The following WWOX variants were observed in gnomAD, a reference collection of about 807,000 sequenced individuals.
WWOX encodes WW domain-containing oxidoreductase.
Under a neutral mutation model 46.2 loss-of-function variants are expected in WWOX, and 69 were observed. That is an observed-to-expected ratio of 1.49 (90% CI 1.23 to 1.82). WWOX has a LOEUF of 1.82. WWOX is among the 40% of genes most tolerant of loss of function. The pLI, the probability that WWOX is intolerant of heterozygous loss-of-function variation, is 0.00. For synonymous variants in WWOX, 359 were observed against 202.6 expected, an observed-to-expected ratio of 1.77 and a Z score of -6.56; for missense variants, 919 against 542.6, an observed-to-expected ratio of 1.69 and a Z score of -6.89.
intron 8 of WWOX, among the ~76,000 whole-genome samples, chr16:78,999,170 T>A (rs2047046527): frequency 6.6e-6 from 1 of 151,582 alleles, no homozygotes; most frequent in African/African-American, 2.4e-5. Context: ...TAATGGATTC[T>A]TCTAAGGATG....
chr16:78,822,438 C>G (rs916615396), intron 8 of WWOX, among the ~76,000 whole-genome samples: 2 of 152,078 alleles, frequency 1.3e-5, no homozygotes, highest in African/African-American at 4.8e-5. Flanking sequence ...GGGTTGCAGT[C>G]AGCTGAGACT....
chr16:78,149,556 C>T (rs959569685), intron 4 of WWOX, among the ~76,000 whole-genome samples: 2 of 152,224 alleles, frequency 1.3e-5, no homozygotes, highest in Non-Finnish European at 2.9e-5. Context: ...GACCTCAATT[C>T]TGTGCCTTGA....
rs537042263 is a variant in WWOX, at chr16:78,692,533, A to G, written c.1056+259781A>G. On this transcript the variant is annotated intron_variant, in intron 8 of 8. Transcript: ENST00000566780. ...CTGCCTTTGGGTTCTAAGACGTCCAAGGAGCTCTTATGGGTAACACCTGTA... is the reference window on the plus strand; with the variant it reads ...CTGCCTTTGGGTTCTAAGACGTCCAGGGAGCTCTTATGGGTAACACCTGTA... Among the ~76,000 whole-genome samples the G allele has an allele frequency of 7.9e-5, 12 of 152,290 alleles. No individual in the cohort carries two copies. The South Asian group carries it at 2.3e-3, about 29-fold the overall frequency.
At chr16:78,125,077 T>G (rs1273341402) in intron 4 of WWOX, among the ~76,000 whole-genome samples, 3 of 152,228 alleles carry the variant, frequency 2.0e-5, no homozygotes, top group Non-Finnish European at 4.4e-5. Context: ...TTTTTCATTT[T>G]TACCCTTACC....
intron 6 of WWOX, among the ~76,000 whole-genome samples, chr16:78,415,006 G>A (rs550721159): frequency 6.6e-6 from 1 of 151,474 alleles, no homozygotes; most frequent in Non-Finnish European, 1.5e-5. Flanking sequence ...TCCATAGGCA[G>A]AGCAGCAACT....
Position 79,124,404 on chromosome 16 carries a change from G to C in WWOX, c.1057-87204G>C, listed in dbSNP as rs187702069. Among the ~76,000 whole-genome samples, 97 of 152,240 alleles carry C rather than the reference G, an allele frequency of 6.4e-4. 1 individual carries two copies. The highest frequency in any genetic ancestry group is 1.1e-3 in the Non-Finnish European group (76 of 68,022). On this transcript the variant is annotated intron_variant, in intron 8 of 8. Coordinates refer to ENST00000566780, the MANE Select transcript of WWOX (RefSeq NM_016373.4). ...ATAGAGAAGTATAAGTAATTATTAT[G>C]CTTTTTAAAATACAACCGAGGTTCC...
intron 8 of WWOX, among the ~76,000 whole-genome samples, chr16:78,997,654 C>T (rs1159340060): frequency 6.6e-6 from 1 of 152,106 alleles, no homozygotes; most frequent in Non-Finnish European, 1.5e-5. Context: ...TATTTCCTCC[C>T]TCCCTGTCTC....
chr16:79,166,969 C>G (rs1412774796), intron 8 of WWOX, among the ~76,000 whole-genome samples: 3 of 151,862 alleles, frequency 2.0e-5, no homozygotes, highest in African/African-American at 7.3e-5. Flanking sequence ...TGAGACAGAG[C>G]CTTGCTGTGT....
chr16:79,139,864 G>C (rs1047452178), intron 8 of WWOX, among the ~76,000 whole-genome samples: 4 of 152,122 alleles, frequency 2.6e-5, no homozygotes, highest in African/African-American at 9.7e-5. Context: ...ATTCTGTTAC[G>C]TGTTATGGCG....
At chr16:78,312,173 G>C (rs2080257882) in intron 5 of WWOX, among the ~76,000 whole-genome samples, 1 of 152,070 alleles carries the variant, frequency 6.6e-6, no homozygotes, top group Non-Finnish European at 1.5e-5. Context: ...GTCACTTTAA[G>C]GTCAGCTGAC....
intron 8 of WWOX, among the ~76,000 whole-genome samples, chr16:79,113,165 A>T (rs1002557803): frequency 6.6e-6 from 1 of 152,172 alleles, no homozygotes; most frequent in Non-Finnish European, 1.5e-5. Context: ...GGGAATATAC[A>T]AGCTCAATGT....
At chr16:78,409,414 C>G (rs373175028) in intron 6 of WWOX, among the ~76,000 whole-genome samples, 1 of 152,142 alleles carries the variant, frequency 6.6e-6, no homozygotes, top group Non-Finnish European at 1.5e-5. Flanking sequence ...GATCTTTTTT[C>G]TGTCCCTAGT....
At chr16:78,247,889 C>G (rs919651854) in intron 5 of WWOX, among the ~76,000 whole-genome samples, 5 of 152,196 alleles carry the variant, frequency 3.3e-5, no homozygotes, top group African/African-American at 9.7e-5. Flanking sequence ...GCAGGTGGAG[C>G]CTTGGCGATC....
chr16:78,682,569 C>G (rs914047179), intron 8 of WWOX, among the ~76,000 whole-genome samples: 4 of 151,996 alleles, frequency 2.6e-5, no homozygotes, highest in Admixed American at 6.6e-5. Flanking sequence ...GGTGATAGAG[C>G]GAGACCCTGT....
chr16:78,455,039 T>C (rs919380359), intron 8 of WWOX, among the ~76,000 whole-genome samples: 15 of 152,176 alleles, frequency 9.9e-5, no homozygotes, highest in African/African-American at 3.6e-4. Flanking sequence ...CTCTTGGCTC[T>C]ATGGGTGCCT....
At chr16:79,063,419 A>G (rs894509525) in intron 8 of WWOX, among the ~76,000 whole-genome samples, 24 of 152,226 alleles carry the variant, frequency 1.6e-4, no homozygotes, top group African/African-American at 5.5e-4. Flanking sequence ...TGGATATGGA[A>G]TATTAGTCAA....
At chr16:79,185,988 T>C (rs2051006860) in intron 8 of WWOX, among the ~76,000 whole-genome samples, 1 of 152,030 alleles carries the variant, frequency 6.6e-6, no homozygotes, top group African/African-American at 2.4e-5. Flanking sequence ...GTGTGTATTA[T>C]TAATATGTCT....
chr16:78,640,451 C>A (rs550334025), intron 8 of WWOX, among the ~76,000 whole-genome samples: 2 of 152,072 alleles, frequency 1.3e-5, no homozygotes, highest in African/African-American at 4.8e-5. Context: ...ACATTCTGCA[C>A]CTCCCAGGCT....
intron 6 of WWOX, among the ~76,000 whole-genome samples, chr16:78,407,625 G>C (rs79311358): frequency 6.6e-6 from 1 of 152,104 alleles, no homozygotes; most frequent in Admixed American, 6.5e-5. Context: ...TGGGTTCCTT[G>C]AGTCGTAATG....
Sources: gnomAD v4.1 joint callset for allele counts (sites outside exome capture counted in the v4.1 genomes callset) on GRCh38, gnomAD v4.1.1 for gene constraint, MANE v1.5 for transcripts, NCBI Gene and HGNC (gene_info 2026-07-23, HGNC 2026-07-21) for gene names.